The following H3-3A variants were observed in gnomAD, a reference collection of about 807,000 sequenced individuals.
H3-3A encodes the protein H3.3 histone A.
For synonymous variants in H3-3A, 49 were observed against 61.4 expected (o/e 0.80, Z 0.95); for missense variants, 7 against 184.0 (o/e 0.04, Z 5.57).
At chr1:226,070,000 CTG>C (rs1302838593) in intron 3 of H3-3A, among the ~76,000 whole-genome samples, 2 of 152,142 alleles carry the variant, frequency 1.3e-5, no homozygotes, top group African/African-American at 2.4e-5. Flanking sequence ...GATTCATACA[CTG>C]TCATTTTTAA....
upstream of H3-3A, among the ~76,000 whole-genome samples, chr1:226,062,265 T>TCCCCG (rs1198214289): frequency 6.8e-6 from 1 of 146,302 alleles, no homozygotes; most frequent in African/African-American, 2.5e-5. Context: ...CTCCCTCCCC[T>TCCCCG]CCCCGCCGCG....
chr1:226,071,546 A>C lies in H3-3A; in HGVS notation c.*67A>C, dbSNP rs536175799. On this transcript the variant is annotated 3_prime_UTR_variant, in exon 4 of 4. Transcript: ENST00000366815. ...AAAAAAAATTTCTCTTCTTCCTGTT[A>C]TTGGTAGTTCTGAACGTTAGATATT... 142 of 713,240 alleles carry C rather than the reference A, an allele frequency of 2.0e-4. No homozygotes were observed. The East Asian group carries it at 2.6e-3, about 13-fold the overall frequency. The allele number at this position is 713,240 out of a possible 1,614,324, so 44.2% of individuals were successfully genotyped here.
chr1:226,069,980 G>A (rs1658052543), intron 3 of H3-3A, among the ~76,000 whole-genome samples: 1 of 152,180 alleles, frequency 6.6e-6, no homozygotes, highest in Non-Finnish European at 1.5e-5. Context: ...CAAGTTAAGT[G>A]TCAATGAGTG....
chr1:226,065,578 C>A, intron 2 of H3-3A, 78 bp from the exon 3 acceptor site: 1 of 1,026,348 alleles, frequency 9.7e-7, no homozygotes, highest in Non-Finnish European at 1.4e-6. Flanking sequence ...AAGATTACTG[C>A]ATTTCTTTGA....
rs752014187 is a variant in H3-3A, at chr1:226,071,389, C to T, written c.321C>T (p.Asp107=). 7.0e-6 allele frequency: 11 copies of T among 1,564,872 alleles called. No individual in the cohort carries two copies. The highest frequency in any genetic ancestry group is 1.7e-5 in the Admixed American group (1 of 59,730). The change falls in exon 4 of 4, where the codon GAC becomes GAT. Residue 107 remains aspartate, a synonymous_variant. Coordinates refer to ENST00000366815, the MANE Select transcript of H3-3A (RefSeq NM_002107.7). ...CCTATCTGGTTGGCCTTTTTGAAGA[C>T]ACCAACCTGTGTGCTATCCATGCCA... ...SEAYLVGLFE[D]TNLCAIHAKR...
At chr1:226,063,083 C>T (rs1056255658) in intron 1 of H3-3A, among the ~76,000 whole-genome samples, 1 of 151,952 alleles carries the variant, frequency 6.6e-6, no homozygotes, top group East Asian at 1.9e-4. Context: ...GCTCCTCTTT[C>T]TTCGGTGAAA....
intron 3 of H3-3A, chr1:226,067,063 A>G (rs141810346): frequency 2.0e-5 from 3 of 152,332 alleles, no homozygotes; most frequent in Admixed American, 6.5e-5. Context: ...ATTACTAAAT[A>G]CAGAAATGTT....
intron 3 of H3-3A, 34 bp from the exon 4 acceptor site, chr1:226,071,317 A>G (rs1332218428): frequency 6.3e-7 from 1 of 1,586,500 alleles, no homozygotes; most frequent in Admixed American, 1.7e-5. Flanking sequence ...TGGAAATAAC[A>G]TCATCAGTAA....
At chr1:226,070,531 T>A (rs1232133939) in intron 3 of H3-3A, among the ~76,000 whole-genome samples, 1 of 151,892 alleles carries the variant, frequency 6.6e-6, no homozygotes, top group African/African-American at 2.4e-5. Flanking sequence ...CCCAGCACTT[T>A]GGGAGGCCAA....
At chr1:226,069,779 C>G (rs533668320) in intron 3 of H3-3A, among the ~76,000 whole-genome samples, 2 of 151,936 alleles carry the variant, frequency 1.3e-5, no homozygotes, top group South Asian at 4.2e-4. Flanking sequence ...TGCAGTGAGC[C>G]GAGGTTATAC....
chr1:226,065,836 A>T (rs1475421117), intron 3 of H3-3A, 27 bp downstream of exon 3: 1 of 1,535,498 alleles, frequency 6.5e-7, no homozygotes, highest in East Asian at 2.4e-5. Context: ...GAAGACTCAG[A>T]GTTTGTATTC....
upstream of H3-3A, among the ~76,000 whole-genome samples, chr1:226,062,439 T>G (rs1411538451): frequency 6.7e-6 from 1 of 149,036 alleles, no homozygotes. Context: ...GCTGGCCGGG[T>G]GCGGGCGGCA....
At chr1:226,063,499 T>A (rs1241598681) in intron 1 of H3-3A, among the ~76,000 whole-genome samples, 1 of 152,202 alleles carries the variant, frequency 6.6e-6, no homozygotes, top group Non-Finnish European at 1.5e-5. Flanking sequence ...TTTGTCTCTT[T>A]GGAACGGAAT....
chr1:226,067,156 AGT>A (rs1372963740), intron 3 of H3-3A: 2 of 152,256 alleles, frequency 1.3e-5, no homozygotes, highest in Non-Finnish European at 2.9e-5. Flanking sequence ...GTACTTGAAA[AGT>A]GTAGCGTTTT....
intron 3 of H3-3A, among the ~76,000 whole-genome samples, chr1:226,070,702 G>A (rs1264889449): frequency 1.3e-5 from 2 of 152,130 alleles, no homozygotes; most frequent in African/African-American, 2.4e-5. Context: ...GAATCCGGGA[G>A]GTGGAGGTTG....
chr1:226,062,571 G>C (rs1382320701), upstream of H3-3A: 1 of 148,040 alleles, frequency 6.8e-6, no homozygotes, highest in Non-Finnish European at 1.5e-5. Context: ...GCCAGCGAAC[G>C]GGCGCGCGGG....
At chr1:226,068,345 C>A (rs1657992360) in intron 3 of H3-3A, among the ~76,000 whole-genome samples, 2 of 152,214 alleles carry the variant, frequency 1.3e-5, no homozygotes, top group African/African-American at 4.8e-5. Context: ...CATGCCACAT[C>A]TGAGTGGTTC....
chr1:226,069,213 C>T (rs1246593901), intron 3 of H3-3A, among the ~76,000 whole-genome samples: 1 of 151,950 alleles, frequency 6.6e-6, no homozygotes, highest in Admixed American at 6.6e-5. Context: ...CGCCCAGCTA[C>T]TTTTTGTATT....
At chr1:226,065,426 T>G (rs1511056) in intron 2 of H3-3A, among the ~76,000 whole-genome samples, 148,763 of 152,310 alleles carry the variant, frequency 0.98, 72,733 homozygotes, top group East Asian at 1. Flanking sequence ...AGGGCTTTGA[T>G]GAATTTCTTG....
Sources: allele counts gnomAD v4.1 joint callset (sites outside exome capture counted in the v4.1 genomes callset), GRCh38; gene constraint gnomAD v4.1.1; transcripts MANE v1.5; gene names NCBI Gene and HGNC (gene_info 2026-07-23, HGNC 2026-07-21).